PHACTR1: variants seen among roughly 807,000 people sequenced by gnomAD.
PHACTR1 encodes RPEL repeat containing 1.
PHACTR1 carries 16 observed loss-of-function variants against 69.2 expected under a neutral mutation model. The observed-to-expected ratio is 0.23, with a 90% CI of 0.16 to 0.35. PHACTR1 has a LOEUF of 0.35. PHACTR1 is among the 10% of genes least tolerant of loss of function. The pLI is 1.00. For missense variants in PHACTR1, 510 were observed against 734.7 expected, an observed-to-expected ratio of 0.69 and a Z score of 3.54; for synonymous variants, 312 against 284.5, an observed-to-expected ratio of 1.10 and a Z score of -0.97.
At chr6:12,773,036 GA>G (rs1186155117) in intron 4 of PHACTR1, among the ~76,000 whole-genome samples, 1 of 152,090 alleles carries the variant, frequency 6.6e-6, no homozygotes, top group Non-Finnish European at 1.5e-5. Context: ...CTTTAAATAA[GA>G]AAATATGCCC....
chr6:13,284,066 G>C (rs1035685679), intron 13 of PHACTR1, among the ~76,000 whole-genome samples: 8 of 152,184 alleles, frequency 5.3e-5, no homozygotes, highest in African/African-American at 1.9e-4. Context: ...AGAATAATCT[G>C]AGGTTCAGTT....
chr6:12,952,133 C>G (rs1380431468), intron 4 of PHACTR1, among the ~76,000 whole-genome samples: 2 of 152,198 alleles, frequency 1.3e-5, no homozygotes, highest in African/African-American at 4.8e-5. Context: ...GAAGAAGGAA[C>G]AGAGATTTCT....
intron 5 of PHACTR1, among the ~76,000 whole-genome samples, chr6:13,150,493 G>A (rs1019999323): frequency 6.6e-6 from 1 of 152,182 alleles, no homozygotes; most frequent in Admixed American, 6.5e-5. Context: ...ACCTGAGGTA[G>A]TGAAAGACCC....
intron 4 of PHACTR1, among the ~76,000 whole-genome samples, chr6:12,968,473 A>G (rs1035832607): frequency 1.3e-4 from 20 of 152,194 alleles, no homozygotes; most frequent in African/African-American, 4.1e-4. Flanking sequence ...GTATTGTGCA[A>G]CCATCACCAC....
chr6:13,266,442 C>G (rs1776715725), intron 10 of PHACTR1: 1 of 151,930 alleles, frequency 6.6e-6, no homozygotes, highest in Non-Finnish European at 1.5e-5. Context: ...TCTTCAACGG[C>G]TTCACATTGC....
chr6:13,130,403 A>G (rs1820236543), intron 5 of PHACTR1, among the ~76,000 whole-genome samples: 1 of 152,142 alleles, frequency 6.6e-6, no homozygotes, highest in Non-Finnish European at 1.5e-5. Flanking sequence ...AACAAATTTG[A>G]TAGACCTCTA....
intron 6 of PHACTR1, among the ~76,000 whole-genome samples, chr6:13,164,460 G>T (rs960589642): frequency 2.6e-5 from 4 of 152,144 alleles, no homozygotes; most frequent in African/African-American, 7.2e-5. Context: ...CACCAGCGAT[G>T]CATGGACCCT....
At chr6:13,190,196 G>GTTTT (rs1220683843) in intron 7 of PHACTR1, among the ~76,000 whole-genome samples, 3 of 31,848 alleles carry the variant, frequency 9.4e-5, no homozygotes, top group African/African-American at 3.1e-4. Flanking sequence ...GCTAATTTTT[G>GTTTT]TATTTTTTTT....
intron 6 of PHACTR1, among the ~76,000 whole-genome samples, chr6:13,162,039 C>G (rs11755284): frequency 0.4 from 60,979 of 152,018 alleles, 13,459 homozygotes; most frequent in African/African-American, 0.6. Flanking sequence ...CCATACTTTT[C>G]TTGCATTTCT....
chr6:12,816,588 T>C (rs1422557065), intron 4 of PHACTR1, among the ~76,000 whole-genome samples: 1 of 152,242 alleles, frequency 6.6e-6, no homozygotes, highest in Non-Finnish European at 1.5e-5. Context: ...GCTTATACCT[T>C]TCTTCTATTC....
At chr6:12,800,815 G>A (rs1243400885) in intron 4 of PHACTR1, among the ~76,000 whole-genome samples, 1 of 151,930 alleles carries the variant, frequency 6.6e-6, no homozygotes, top group Non-Finnish European at 1.5e-5. Context: ...CTGAGCCCTG[G>A]AGGTCCAAGG....
intron 4 of PHACTR1, among the ~76,000 whole-genome samples, chr6:12,930,144 A>G (rs1242496013): frequency 1.3e-5 from 2 of 151,836 alleles, no homozygotes; most frequent in Non-Finnish European, 2.9e-5. Flanking sequence ...CCTTGGCTCA[A>G]GCGATTCTCC....
In PHACTR1 at chr6:13,230,023, TCTGTCTC is replaced by T; in HGVS notation, c.1235-11_1235-5del. The T allele has an allele frequency of 6.3e-7, 1 of 1,597,448 alleles. No homozygotes were observed. ...ATATGTAAGCCTTAATTGACTCATTTCTGTCTCCTACAGGCTCCCTGGCCATGAAGGT... is the reference window on the plus strand; with the variant it reads ...ATATGTAAGCCTTAATTGACTCATTTCTACAGGCTCCCTGGCCATGAAGGT... On this transcript the variant is annotated splice_polypyrimidine_tract_variant and splice_region_variant and intron_variant, in intron 9 of 14. Coordinates refer to ENST00000332995, the MANE Select transcript of PHACTR1 (RefSeq NM_030948.6).
At chr6:12,944,661 C>T (rs1268388254) in intron 4 of PHACTR1, among the ~76,000 whole-genome samples, 3 of 152,220 alleles carry the variant, frequency 2.0e-5, no homozygotes, top group African/African-American at 7.2e-5. Flanking sequence ...GTGTTCTGAA[C>T]ACCCACTTTG....
At chr6:12,862,678 A>C (rs1466584414) in intron 4 of PHACTR1, among the ~76,000 whole-genome samples, 1 of 152,122 alleles carries the variant, frequency 6.6e-6, no homozygotes, top group Non-Finnish European at 1.5e-5. Flanking sequence ...ATTTGCGTTC[A>C]GCAGGGTCTA....
chr6:12,730,329 T>C (rs544545773), intron 3 of PHACTR1, among the ~76,000 whole-genome samples: 2 of 152,214 alleles, frequency 1.3e-5, no homozygotes, highest in Non-Finnish European at 2.9e-5. Context: ...CTAGCACCAG[T>C]ACTTACAATT....
At chr6:13,063,445 A>G (rs1314300735) in intron 5 of PHACTR1, among the ~76,000 whole-genome samples, 2 of 152,122 alleles carry the variant, frequency 1.3e-5, no homozygotes, top group Non-Finnish European at 2.9e-5. Flanking sequence ...TAGGAGAGCC[A>G]GGGAAGAGAG....
chr6:12,783,183 A>G (rs1238503615), intron 4 of PHACTR1, among the ~76,000 whole-genome samples: 3 of 152,208 alleles, frequency 2.0e-5, no homozygotes, highest in East Asian at 3.8e-4. Flanking sequence ...GTCACAAGTC[A>G]TCATGTTATA....
At chr6:13,090,965 G>A (rs1813163830) in intron 5 of PHACTR1, among the ~76,000 whole-genome samples, 1 of 147,796 alleles carries the variant, frequency 6.8e-6, no homozygotes, top group African/African-American at 2.5e-5. Context: ...TCACCATAAA[G>A]TAGAATCAGT....
Sources: gnomAD v4.1 joint callset for allele counts (sites outside exome capture counted in the v4.1 genomes callset) on GRCh38, gnomAD v4.1.1 for gene constraint, MANE v1.5 for transcripts, NCBI Gene and HGNC (gene_info 2026-07-23, HGNC 2026-07-21) for gene names.